MAML3: variants seen among roughly 807,000 people sequenced by gnomAD.
MAML3 encodes the protein mastermind like transcriptional coactivator 3.
A neutral mutation model predicts 101.9 loss-of-function variants in MAML3; 27 were observed. That is an observed-to-expected ratio of 0.27 (90% confidence interval 0.20 to 0.37). MAML3 has a LOEUF of 0.37. MAML3 is among the 10% of genes least tolerant of loss of function. MAML3 has a pLI of 1.00. For synonymous variants in MAML3, 501 were observed against 555.9 expected (o/e 0.90, Z 1.39); for missense variants, 1,316 against 1,444.9 (o/e 0.91, Z 1.45).
chr4:140,074,218 A>AG (rs1560885534), intron 1 of MAML3, among the ~76,000 whole-genome samples: 38 of 115,076 alleles, frequency 3.3e-4, no homozygotes, highest in East Asian at 6.1e-4. Context: ...AGAAAGAAAG[A>AG]AAGAAAGAAA....
chr4:139,881,041 A>G (rs1732210055), intron 2 of MAML3, among the ~76,000 whole-genome samples: 1 of 152,234 alleles, frequency 6.6e-6, no homozygotes, highest in South Asian at 2.1e-4. Context: ...CTGCAGTAGA[A>G]GAAGCCAAAA....
At chr4:140,042,549 G>A (rs1435596958) in intron 1 of MAML3, among the ~76,000 whole-genome samples, 2 of 152,028 alleles carry the variant, frequency 1.3e-5, no homozygotes, top group African/African-American at 4.8e-5. Flanking sequence ...CAGAAAAATC[G>A]CTTGAACCCT....
intron 1 of MAML3, among the ~76,000 whole-genome samples, chr4:140,131,059 C>T (rs1728785449): frequency 6.6e-6 from 1 of 152,062 alleles, no homozygotes; most frequent in African/African-American, 2.4e-5. Context: ...AGGGGGCATG[C>T]ACATACACAT....
chr4:140,011,111 A>AG (rs577073022), intron 1 of MAML3, among the ~76,000 whole-genome samples: 13,842 of 120,690 alleles, frequency 0.11, 1,364 homozygotes, highest in East Asian at 0.48. Flanking sequence ...AAAAAAAAAA[A>AG]AGTGTGTGTG....
intron 2 of MAML3, among the ~76,000 whole-genome samples, chr4:139,761,090 C>T (rs1370432750): frequency 3.3e-5 from 5 of 152,172 alleles, no homozygotes; most frequent in Non-Finnish European, 7.3e-5. Flanking sequence ...TCCTGAGTAG[C>T]TGAGATTACA....
At chr4:140,089,941 T>G (rs1728016305) in intron 1 of MAML3, among the ~76,000 whole-genome samples, 2 of 152,204 alleles carry the variant, frequency 1.3e-5, no homozygotes, top group Admixed American at 6.5e-5. Flanking sequence ...TAGCGGTTAA[T>G]CCAGGCATTT....
intron 2 of MAML3, among the ~76,000 whole-genome samples, chr4:139,875,872 T>C (rs73854401): frequency 0.023 from 3,018 of 132,572 alleles, 117 homozygotes; most frequent in African/African-American, 0.082. Flanking sequence ...TAGGATTACA[T>C]AGTTTTTAAA....
At position 139,871,751 on chromosome 4, in the gene MAML3, C is replaced by T. The variant is rs1266314798; in HGVS notation, c.2079+17606G>A. ...TATTAACCCTTCGCAACCCAGTTTC[C>T]CTACTCCCCTTTCTGATCAACAGTC... is the stretch of plus-strand genomic sequence containing the variant. On this transcript the variant is annotated intron_variant, in intron 2 of 4. Transcript: ENST00000509479. Among the ~76,000 whole-genome samples, 5 of 152,158 alleles carry T rather than the reference C, an allele frequency of 3.3e-5. No homozygotes were observed. In the South Asian group the frequency reaches 8.3e-4, roughly 25 times the overall value.
chr4:139,993,633 C>A (rs1174762742), intron 1 of MAML3, among the ~76,000 whole-genome samples: 1 of 152,010 alleles, frequency 6.6e-6, no homozygotes, highest in Admixed American at 6.6e-5. Context: ...CGAGACCAGC[C>A]TGGCCAACAT....
At chr4:140,041,348 G>A (rs146122949) in intron 1 of MAML3, among the ~76,000 whole-genome samples, 1,877 of 152,272 alleles carry the variant, frequency 0.012, 18 homozygotes, top group Non-Finnish European at 0.019. Context: ...GAGAGGCAGG[G>A]CATGGTGGCT....
intron 1 of MAML3, among the ~76,000 whole-genome samples, chr4:139,969,326 G>C (rs1321918098): frequency 2.0e-5 from 3 of 151,860 alleles, no homozygotes; most frequent in African/African-American, 7.3e-5. Context: ...GAGACAGACT[G>C]ATTTAAAATA....
chr4:140,023,640 A>G (rs1726773032), intron 1 of MAML3, among the ~76,000 whole-genome samples: 1 of 152,232 alleles, frequency 6.6e-6, no homozygotes, highest in South Asian at 2.1e-4. Context: ...CTTTTAAAAA[A>G]GTTTCTTGTG....
chr4:140,034,221 G>C (rs1048057838), intron 1 of MAML3, among the ~76,000 whole-genome samples: 2 of 152,214 alleles, frequency 1.3e-5, no homozygotes, highest in African/African-American at 4.8e-5. Context: ...AGTAGCCTAT[G>C]AAGAGACAGA....
chr4:139,873,184 T>A (rs951437337), intron 2 of MAML3, among the ~76,000 whole-genome samples: 29 of 152,344 alleles, frequency 1.9e-4, no homozygotes, highest in African/African-American at 5.5e-4. Flanking sequence ...AATGTTGTAT[T>A]GCTTCTCTGC....
intron 1 of MAML3, among the ~76,000 whole-genome samples, chr4:140,057,632 TTATTA>T (rs1455370926): frequency 1.3e-4 from 20 of 152,178 alleles, no homozygotes; most frequent in Non-Finnish European, 2.9e-4. Context: ...TCTTGATGGT[TTATTA>T]TGAGATCATC....
chr4:139,772,543 A>G (rs1730017485), intron 2 of MAML3, among the ~76,000 whole-genome samples: 1 of 151,498 alleles, frequency 6.6e-6, no homozygotes, highest in Non-Finnish European at 1.5e-5. Context: ...CAGTTTCCCC[A>G]TGTTGGCCAG....
chr4:140,113,261 A>G (rs566941713), intron 1 of MAML3, among the ~76,000 whole-genome samples: 8 of 152,316 alleles, frequency 5.3e-5, no homozygotes, highest in African/African-American at 1.9e-4. Context: ...CCTGGGTGAC[A>G]GAGCAAGACT....
chr4:139,858,746 C>T (rs1474192323), intron 2 of MAML3, among the ~76,000 whole-genome samples: 1 of 152,148 alleles, frequency 6.6e-6, no homozygotes, highest in Non-Finnish European at 1.5e-5. Context: ...ACCCGGGCAG[C>T]TCTTATTCAC....
intron 1 of MAML3, among the ~76,000 whole-genome samples, chr4:140,147,427 T>C (rs1311969841): frequency 3.3e-5 from 5 of 152,206 alleles, no homozygotes; most frequent in Non-Finnish European, 7.3e-5. Context: ...AGCACCAAAA[T>C]TAAATTTTTT....
Sources: allele counts gnomAD v4.1 joint callset (sites outside exome capture counted in the v4.1 genomes callset), GRCh38; gene constraint gnomAD v4.1.1; transcripts MANE v1.5; gene names NCBI Gene and HGNC (gene_info 2026-07-23, HGNC 2026-07-21).